Variants in GRM1 observed in about 807,000 individuals in gnomAD.
GRM1 encodes glutamate metabotropic receptor 1.
A neutral mutation model predicts 90.9 loss-of-function variants in GRM1; 33 were observed. The observed-to-expected ratio is 0.36, with a 90% CI of 0.28 to 0.49. GRM1 has a LOEUF of 0.49. Ranked by LOEUF, GRM1 falls within the 20% of genes least tolerant of loss-of-function variation. GRM1 has a pLI of 0.99. For missense variants in GRM1, 1,190 were observed against 1,534.3 expected (o/e 0.78, Z 3.75); for synonymous variants, 700 against 613.2 (o/e 1.14, Z -2.09).
intron 1 of GRM1, among the ~76,000 whole-genome samples, chr6:146,043,036 G>T (rs960690308): frequency 1.3e-5 from 2 of 151,906 alleles, no homozygotes; most frequent in Admixed American, 6.6e-5. Flanking sequence ...AGTGGCTCAT[G>T]CATATAATAG....
chr6:146,132,570 TC>T (rs1223255378), intron 1 of GRM1, among the ~76,000 whole-genome samples: 1 of 152,178 alleles, frequency 6.6e-6, no homozygotes, highest in Non-Finnish European at 1.5e-5. Flanking sequence ...TATTGTGTAT[TC>T]CTCTCCTCTT....
chr6:146,027,815 C>G (rs1347904249), upstream of GRM1: 1 of 152,284 alleles, frequency 6.6e-6, no homozygotes. Context: ...TCCATGTCCT[C>G]CAAACAGACT....
rs1398852914 is a variant in GRM1, at chr6:146,049,659, CT to C, written c.700+19443del. ...ATATGAAACCTCCTTTCATATCTATCTATCTATCTATCTATCTATCTATCTA... is the reference window on the plus strand; with the variant it reads ...ATATGAAACCTCCTTTCATATCTATCATCTATCTATCTATCTATCTATCTA... On this transcript the variant is annotated intron_variant, in intron 1 of 7. Transcript: ENST00000282753. Among the ~76,000 whole-genome samples, 262 of 118,780 alleles carry C rather than the reference CT, an allele frequency of 2.2e-3. 2 individuals are homozygous for C. Among genetic ancestry groups the C allele is most frequent in the African/African-American group, 7.7e-3 (242 of 31,606 alleles). 77.9% of individuals were successfully genotyped at this position (118,780 alleles called of 152,430 possible).
At chr6:146,137,824 T>A (rs1487348825) in intron 1 of GRM1, among the ~76,000 whole-genome samples, 2 of 148,904 alleles carry the variant, frequency 1.3e-5, no homozygotes, top group African/African-American at 5.2e-5. Flanking sequence ...TCCTGCTCAA[T>A]TTATTTCATC....
intron 1 of GRM1, among the ~76,000 whole-genome samples, chr6:146,073,011 T>G (rs1256229313): frequency 6.6e-6 from 1 of 152,160 alleles, no homozygotes; most frequent in Non-Finnish European, 1.5e-5. Flanking sequence ...GCTTACACTC[T>G]TAGGTAACGC....
intron 3 of GRM1, among the ~76,000 whole-genome samples, chr6:146,326,076 G>T (rs532820728): frequency 1.3e-5 from 2 of 152,272 alleles, no homozygotes; most frequent in South Asian, 4.1e-4. Flanking sequence ...GTGGTCATAA[G>T]CCTATTGGAA....
intron 2 of GRM1, among the ~76,000 whole-genome samples, chr6:146,196,449 G>T (rs1157730433): frequency 6.7e-6 from 1 of 148,794 alleles, no homozygotes; most frequent in African/African-American, 2.5e-5. Flanking sequence ...CACCATGCCC[G>T]GCTAATTTTT....
intron 1 of GRM1, among the ~76,000 whole-genome samples, chr6:146,115,251 T>A (rs1253146918): frequency 6.6e-6 from 1 of 151,210 alleles, no homozygotes; most frequent in Non-Finnish European, 1.5e-5. Context: ...CACACACATA[T>A]ATATACATAT....
intron 2 of GRM1, among the ~76,000 whole-genome samples, chr6:146,204,319 A>G (rs1300379799): frequency 2.0e-5 from 3 of 152,260 alleles, no homozygotes; most frequent in African/African-American, 7.2e-5. Context: ...AGCATTTGCC[A>G]ATTTACCCTA....
At chr6:146,102,361 A>G (rs1239869147) in intron 1 of GRM1, among the ~76,000 whole-genome samples, 1 of 152,128 alleles carries the variant, frequency 6.6e-6, no homozygotes, top group African/African-American at 2.4e-5. Context: ...TTATATCTTC[A>G]TTGGTTGGAG....
chr6:146,421,202 CATTAACA>C (rs1343512389), intron 7 of GRM1, among the ~76,000 whole-genome samples: 1 of 152,002 alleles, frequency 6.6e-6, no homozygotes, highest in Non-Finnish European at 1.5e-5. Context: ...AAAAATCTCC[CATTAACA>C]ATGTTTATTG....
At chr6:146,134,994 C>T (rs2128881463) in intron 1 of GRM1, among the ~76,000 whole-genome samples, 1 of 152,256 alleles carries the variant, frequency 6.6e-6, no homozygotes, top group East Asian at 1.9e-4. Flanking sequence ...GTCTAATCAC[C>T]TCCCACGAGG....
chr6:146,409,477 A>T (rs534564155), intron 7 of GRM1, among the ~76,000 whole-genome samples: 2 of 152,298 alleles, frequency 1.3e-5, no homozygotes, highest in East Asian at 3.9e-4. Flanking sequence ...CACTTCTATT[A>T]TATAGATTTC....
intron 1 of GRM1, among the ~76,000 whole-genome samples, chr6:146,065,496 A>G (rs1217015707): frequency 6.6e-6 from 1 of 152,204 alleles, no homozygotes; most frequent in African/African-American, 2.4e-5. Flanking sequence ...AGGGTAATTG[A>G]CTGACAAGTA....
chr6:146,398,839 A>T lies in GRM1; in HGVS notation c.1800A>T (p.Ser600=), dbSNP rs1455302854. The change falls in exon 7 of 8, where the codon TCA becomes TCT. Residue 600 remains serine, a synonymous_variant. Coordinates refer to ENST00000282753, the MANE Select transcript of GRM1 (RefSeq NM_001278064.2). ...AATCCATTATAGCCATCGCCTTTTC[A>T]TGCCTGGGAATCCTTGTTACCTTGT... is the stretch of plus-strand genomic sequence containing the variant. ...NIESIIAIAF[S]CLGILVTLFV... 1 of 1,613,782 alleles carries T rather than the reference A, an allele frequency of 6.2e-7. No homozygotes were observed. Among genetic ancestry groups the T allele is most frequent in the Non-Finnish European group, 8.5e-7 (1 of 1,179,768 alleles).
At chr6:146,421,057 C>A (rs1255955086) in intron 7 of GRM1, among the ~76,000 whole-genome samples, 1 of 151,994 alleles carries the variant, frequency 6.6e-6, no homozygotes, top group African/African-American at 2.4e-5. Context: ...AAAAACCAAG[C>A]AGAATGTCTA....
chr6:146,208,846 T>G (rs984119640), intron 2 of GRM1, among the ~76,000 whole-genome samples: 5 of 152,096 alleles, frequency 3.3e-5, no homozygotes, highest in Non-Finnish European at 2.9e-5. Context: ...TTTTTATAAA[T>G]GCCAGTGATT....
At chr6:146,062,472 T>A (rs1775706587) in intron 1 of GRM1, among the ~76,000 whole-genome samples, 1 of 139,678 alleles carries the variant, frequency 7.2e-6, no homozygotes, top group South Asian at 2.2e-4. Context: ...TGCACATGTG[T>A]CTCAGAACTT....
chr6:146,051,957 A>G (rs1775307145), intron 1 of GRM1, among the ~76,000 whole-genome samples: 1 of 152,116 alleles, frequency 6.6e-6, no homozygotes, highest in Non-Finnish European at 1.5e-5. Context: ...CAACAAGATC[A>G]TAAGGCTGAA....
Sources: gnomAD v4.1 joint callset for allele counts (sites outside exome capture counted in the v4.1 genomes callset) on GRCh38, gnomAD v4.1.1 for gene constraint, MANE v1.5 for transcripts, NCBI Gene and HGNC (gene_info 2026-07-23, HGNC 2026-07-21) for gene names.